Variants in SCN9A observed in about 807,000 individuals in gnomAD.
SCN9A encodes sodium channel protein type 9 subunit alpha.
In SCN9A, 131 loss-of-function variants were observed where a neutral mutation model predicts 187.0. The ratio of observed to expected loss-of-function variants is 0.70; its 90% CI spans 0.61 to 0.81. The LOEUF (loss-of-function observed/expected upper bound fraction) is 0.81. Ranked by LOEUF, SCN9A falls within the 30% of genes least tolerant of loss-of-function variation. SCN9A has a pLI of 0.00. For synonymous variants in SCN9A, 809 were observed against 808.6 expected (o/e 1.00, Z -0.01); for missense variants, 2,252 against 2,396.6 (o/e 0.94, Z 1.26).
intron 18 of SCN9A, chr2:166,248,192 C>G (rs1445867042): frequency 6.6e-6 from 1 of 152,014 alleles, no homozygotes; most frequent in Non-Finnish European, 1.5e-5. Context: ...TGTTACCTTT[C>G]AGGTAGCAGA....
chr2:166,212,704 G>A (rs1209600656), intron 24 of SCN9A, among the ~76,000 whole-genome samples: 2 of 152,174 alleles, frequency 1.3e-5, no homozygotes, highest in African/African-American at 4.8e-5. Context: ...AGTGCGCACA[G>A]AATATTCTCA....
At chr2:166,235,100 T>G (rs1160486691) in intron 20 of SCN9A, among the ~76,000 whole-genome samples, 1 of 152,166 alleles carries the variant, frequency 6.6e-6, no homozygotes, top group African/African-American at 2.4e-5. Context: ...CTTCCAGAAC[T>G]TTAAGAAATA....
chr2:166,238,941 C>A (rs1250144356), intron 19 of SCN9A, among the ~76,000 whole-genome samples: 1 of 152,202 alleles, frequency 6.6e-6, no homozygotes, highest in Non-Finnish European at 1.5e-5. Flanking sequence ...GTAAGTGACA[C>A]ACAACATTAT....
At chr2:166,278,443 T>G in intron 14 of SCN9A, 130 bp from the exon 15 acceptor site, 1 of 738,888 alleles carries the variant, frequency 1.4e-6, no homozygotes, top group Non-Finnish European at 2.1e-6. Flanking sequence ...AAATGGATAT[T>G]CTTATCTAAC....
intron 11 of SCN9A, among the ~76,000 whole-genome samples, chr2:166,286,111 A>G (rs1229770053): frequency 6.6e-6 from 1 of 152,122 alleles, no homozygotes; most frequent in African/African-American, 2.4e-5. Context: ...TTTATTAGAG[A>G]ATATATTGAC....
At chr2:166,222,538 G>A (rs189358612) in intron 24 of SCN9A, among the ~76,000 whole-genome samples, 1,759 of 151,724 alleles carry the variant, frequency 0.012, 32 homozygotes, top group African/African-American at 0.04. Flanking sequence ...TGAGGCAGGA[G>A]AATCACTTGA....
In SCN9A at chr2:166,280,537, G is replaced by T. The variant is rs1574857195; in HGVS notation, c.2163C>A (p.Phe721Leu). Residue 721 changes from phenylalanine (F) to leucine (L), a missense_variant, in exon 14 of 27, where the codon TTC (phenylalanine) becomes TTA (leucine). Physicochemically the swap from Phe to Leu is conservative, Grantham distance 22. Around this residue, in one of 7 missense-constraint regions of SCN9A, gnomAD observed 1,013 missense variants for 997.4 expected, o/e 1.02. Coordinates refer to ENST00000642356, the MANE Select transcript of SCN9A (RefSeq NM_001365536.1). ...PPWWYRFAHK[F>L]LIWNCSPYWI... is the part of the protein sequence containing the mutation. ...AATATGGAGAGCAATTCCAGATCAA[G>T]AATTTGTGTGCAAATCTGTACCACC... 2.5e-6 allele frequency: 4 copies of T among 1,592,260 alleles called. No individual in the cohort carries two copies. Among genetic ancestry groups the T allele is most frequent in the Non-Finnish European group, 3.4e-6 (4 of 1,167,480 alleles).
intron 21 of SCN9A, among the ~76,000 whole-genome samples, chr2:166,230,483 C>A (rs1695035909): frequency 6.6e-6 from 1 of 152,136 alleles, no homozygotes; most frequent in South Asian, 2.1e-4. Context: ...ATCACGTAGG[C>A]ACTCTGATAC....
intron 1 of SCN9A, among the ~76,000 whole-genome samples, chr2:166,326,045 A>G (rs1052236649): frequency 3.3e-4 from 50 of 152,292 alleles, no homozygotes; most frequent in African/African-American, 1.2e-3. Context: ...GAACTCTTAT[A>G]GGCCTTCTCC....
intron 19 of SCN9A, among the ~76,000 whole-genome samples, chr2:166,240,054 T>C (rs12621853): frequency 0.14 from 20,792 of 152,242 alleles, 1,796 homozygotes; most frequent in East Asian, 0.34. Context: ...TGAAAAGATA[T>C]GGTGACTTTG....
intron 7 of SCN9A, among the ~76,000 whole-genome samples, chr2:166,299,886 C>A (rs1183635248): frequency 6.6e-6 from 1 of 150,964 alleles, no homozygotes; most frequent in Non-Finnish European, 1.5e-5. Flanking sequence ...CATTAACCAT[C>A]ACCACCCATC....
At chr2:166,369,740 A>T (rs1053638031) in intron 1 of SCN9A, among the ~76,000 whole-genome samples, 21 of 152,262 alleles carry the variant, frequency 1.4e-4, no homozygotes, top group African/African-American at 5.1e-4. Context: ...AAATGTCCTC[A>T]ATAAATTATC....
At chr2:166,227,361 T>C (rs909158438) in intron 23 of SCN9A, among the ~76,000 whole-genome samples, 1 of 152,314 alleles carries the variant, frequency 6.6e-6, no homozygotes, top group South Asian at 2.1e-4. Context: ...CATTGGATGA[T>C]TGTAGACATT....
chr2:166,325,359 G>T (rs960321648), intron 1 of SCN9A, among the ~76,000 whole-genome samples: 1 of 152,036 alleles, frequency 6.6e-6, no homozygotes, highest in African/African-American at 2.4e-5. Context: ...ATCAATAGGA[G>T]ATCCATTAGA....
chr2:166,219,476 A>C (rs1694487124), intron 24 of SCN9A, among the ~76,000 whole-genome samples: 1 of 152,160 alleles, frequency 6.6e-6, no homozygotes, highest in South Asian at 2.1e-4. Flanking sequence ...GGAACAGAAA[A>C]CCAAATACCA....
intron 1 of SCN9A, among the ~76,000 whole-genome samples, chr2:166,315,380 C>T (rs997859850): frequency 6.6e-6 from 1 of 152,194 alleles, no homozygotes; most frequent in African/African-American, 2.4e-5. Context: ...CTGTCTCTGT[C>T]TCCCCCAACC....
chr2:166,310,608 GC>G (rs1698910730), intron 2 of SCN9A, among the ~76,000 whole-genome samples: 1 of 124,094 alleles, frequency 8.1e-6, no homozygotes, highest in Non-Finnish European at 1.7e-5. Context: ...AACAACAGGT[GC>G]TGGAGAGGAT....
chr2:166,328,007 C>T (rs966998120), intron 1 of SCN9A, among the ~76,000 whole-genome samples: 13 of 152,102 alleles, frequency 8.5e-5, no homozygotes, highest in African/African-American at 3.1e-4. Context: ...ATTTTATGTA[C>T]CTGGGAACTT....
At chr2:166,334,770 A>T (rs1272752441) in intron 1 of SCN9A, among the ~76,000 whole-genome samples, 2 of 152,172 alleles carry the variant, frequency 1.3e-5, no homozygotes, top group Non-Finnish European at 2.9e-5. Context: ...ATAGCACTAG[A>T]AAATTTACTT....
Sources: allele counts gnomAD v4.1 joint callset (sites outside exome capture counted in the v4.1 genomes callset), GRCh38; gene constraint gnomAD v4.1.1; regional missense constraint gnomAD v4.1.1; transcripts MANE v1.5; gene names NCBI Gene and HGNC (gene_info 2026-07-23, HGNC 2026-07-21).